Variants in CDK19 observed in about 807,000 individuals in gnomAD.
CDK19 encodes cyclin-dependent kinase 19.
In CDK19, 20 loss-of-function variants were observed where a neutral mutation model predicts 68.3. The observed-to-expected ratio is 0.29, with a 90% CI of 0.21 to 0.43. The LOEUF (loss-of-function observed/expected upper bound fraction) is 0.43. Ranked by LOEUF, CDK19 falls within the 20% of genes least tolerant of loss-of-function variation. The pLI, the probability that CDK19 is intolerant of heterozygous loss-of-function variation, is 1.00. For synonymous variants in CDK19, 221 were observed against 222.8 expected (o/e 0.99, Z 0.07); for missense variants, 339 against 623.5 (o/e 0.54, Z 4.86).
chr6:110,643,484 T>C (rs1780337708), intron 4 of CDK19, among the ~76,000 whole-genome samples: 1 of 152,210 alleles, frequency 6.6e-6, no homozygotes, highest in African/African-American at 2.4e-5. Flanking sequence ...CACTTATTTG[T>C]GGGAGCTAAA....
chr6:110,693,941 C>T lies in CDK19; in HGVS notation c.205-23400G>A, dbSNP rs145332127. On this transcript the variant is annotated intron_variant, in intron 2 of 12. Coordinates refer to ENST00000368911, the MANE Select transcript of CDK19 (RefSeq NM_015076.5). ...CAAACAAGCAATTGCTGAGTGAATT[C>T]GCCACTACCAAGCAAGCACTACAAT... Among the ~76,000 whole-genome samples, 17 of 152,132 alleles carry T rather than the reference C, an allele frequency of 1.1e-4. No individual in the cohort carries two copies. In the East Asian group the frequency reaches 1.9e-3, roughly 17 times the overall value.
chr6:110,709,456 G>A (rs1390532979), intron 2 of CDK19, among the ~76,000 whole-genome samples: 1 of 148,516 alleles, frequency 6.7e-6, no homozygotes, highest in Non-Finnish European at 1.5e-5. Flanking sequence ...GTATACCTAT[G>A]TAACAAACCT....
chr6:110,788,447 C>T (rs1054306574), intron 1 of CDK19, among the ~76,000 whole-genome samples: 1 of 152,088 alleles, frequency 6.6e-6, no homozygotes, highest in South Asian at 2.1e-4. Flanking sequence ...CATGAGCCAC[C>T]ACATCCAGCC....
At chr6:110,719,164 G>C (rs1209490051) in intron 2 of CDK19, among the ~76,000 whole-genome samples, 2 of 152,138 alleles carry the variant, frequency 1.3e-5, no homozygotes. Context: ...GGGAAAGCAT[G>C]AGACAAAAAA....
At chr6:110,787,062 C>CT (rs1781273059) in intron 1 of CDK19, among the ~76,000 whole-genome samples, 1 of 152,014 alleles carries the variant, frequency 6.6e-6, no homozygotes, top group Non-Finnish European at 1.5e-5. Flanking sequence ...GAATAAGGCC[C>CT]TTTTGTCCAC....
chr6:110,641,424 C>T (rs1478946008), intron 4 of CDK19, among the ~76,000 whole-genome samples: 1 of 151,586 alleles, frequency 6.6e-6, no homozygotes, highest in Non-Finnish European at 1.5e-5. Context: ...TGGTGAAACC[C>T]CATCTCTACT....
intron 1 of CDK19, among the ~76,000 whole-genome samples, chr6:110,785,195 A>G (rs909015438): frequency 6.6e-6 from 1 of 152,096 alleles, no homozygotes; most frequent in Non-Finnish European, 1.5e-5. Flanking sequence ...CATTCTGACA[A>G]TTTTTGATAG....
intron 1 of CDK19, among the ~76,000 whole-genome samples, chr6:110,765,951 A>G (rs1489217106): frequency 6.6e-6 from 1 of 152,134 alleles, no homozygotes; most frequent in Non-Finnish European, 1.5e-5. Flanking sequence ...AAAATAACAA[A>G]TGTTGGCAAG....
At chr6:110,766,530 A>T (rs769793440) in intron 1 of CDK19, among the ~76,000 whole-genome samples, 7 of 152,068 alleles carry the variant, frequency 4.6e-5, no homozygotes, top group Non-Finnish European at 8.8e-5. Context: ...GTGAGCCCAG[A>T]TTACACCACT....
At chr6:110,797,371 A>G (rs1782013874) in intron 1 of CDK19, among the ~76,000 whole-genome samples, 1 of 152,128 alleles carries the variant, frequency 6.6e-6, no homozygotes, top group Admixed American at 6.6e-5. Flanking sequence ...CTTTTTCTGT[A>G]TTCAAAAAAC....
chr6:110,650,687 G>C (rs191465489), intron 4 of CDK19, among the ~76,000 whole-genome samples: 2 of 152,292 alleles, frequency 1.3e-5, no homozygotes, highest in Non-Finnish European at 2.9e-5. Flanking sequence ...CTGGCAGAGG[G>C]AGGAGCAAGC....
In CDK19 at chr6:110,815,348, C is replaced by T. The variant is rs1267148574; in HGVS notation, c.-212G>A. 1.4e-5 allele frequency: 6 copies of T among 419,956 alleles called. No homozygotes were observed. The highest frequency in any genetic ancestry group is 1.0e-4 in the African/African-American group (5 of 47,714). 26.0% of individuals were successfully genotyped at this position (419,956 alleles called of 1,614,324 possible). The stretch of plus-strand genomic sequence containing the variant: ...ACCTCCTCCACCTCTTCCTCCTCCT[C>T]CTCCGCGACGGCGGCGGCGGCTCCC... On this transcript the variant is annotated 5_prime_UTR_variant, in exon 1 of 13. Transcript: ENST00000368911.
In CDK19 at chr6:110,716,587, T is replaced by C. The variant is rs140323547; in HGVS notation, c.204+29539A>G. Among the ~76,000 whole-genome samples the C allele has an allele frequency of 2.1e-3, 319 of 152,268 alleles. 2 individuals are homozygous for C. Among genetic ancestry groups the C allele is most frequent in the African/African-American group, 7.1e-3 (296 of 41,546 alleles). Reference sequence around the variant, plus strand: ...GATTATAGAAGTATTAAATAATCTTTCTAGAATATTCAAACATTATCTGAA... The same window carrying C: ...GATTATAGAAGTATTAAATAATCTTCCTAGAATATTCAAACATTATCTGAA... On this transcript the variant is annotated intron_variant, in intron 2 of 12. Transcript: ENST00000368911.
chr6:110,787,038 T>G (rs1375481021), intron 1 of CDK19, among the ~76,000 whole-genome samples: 1 of 152,164 alleles, frequency 6.6e-6, no homozygotes, highest in Non-Finnish European at 1.5e-5. Context: ...ATGTTCCTTG[T>G]GGCATTTTTT....
At chr6:110,785,878 C>A (rs1205071963) in intron 1 of CDK19, among the ~76,000 whole-genome samples, 2 of 151,662 alleles carry the variant, frequency 1.3e-5, no homozygotes, top group African/African-American at 4.8e-5. Flanking sequence ...TACTCGGGAG[C>A]CTGAGGCAGA....
At chr6:110,679,926 C>A (rs775276116) in intron 2 of CDK19, among the ~76,000 whole-genome samples, 1 of 152,164 alleles carries the variant, frequency 6.6e-6, no homozygotes, top group Non-Finnish European at 1.5e-5. Flanking sequence ...ACATAATAAG[C>A]ATTCAATAAA....
chr6:110,788,396 G>T (rs1190930859), intron 1 of CDK19, among the ~76,000 whole-genome samples: 1 of 151,950 alleles, frequency 6.6e-6, no homozygotes, highest in Non-Finnish European at 1.5e-5. Context: ...GGTCTCAAGA[G>T]ATCCTCCTGC....
At chr6:110,798,463 TA>T (rs1224929116) in intron 1 of CDK19, among the ~76,000 whole-genome samples, 1 of 150,572 alleles carries the variant, frequency 6.6e-6, no homozygotes, top group Non-Finnish European at 1.5e-5. Flanking sequence ...CATCTCTACT[TA>T]AATACAAAAA....
chr6:110,737,175 G>C (rs1777305222), intron 2 of CDK19, among the ~76,000 whole-genome samples: 1 of 152,156 alleles, frequency 6.6e-6, no homozygotes, highest in South Asian at 2.1e-4. Context: ...AAAGTTTTCA[G>C]CTACATCTAT....
Sources: gnomAD v4.1 joint callset for allele counts (sites outside exome capture counted in the v4.1 genomes callset) on GRCh38, gnomAD v4.1.1 for gene constraint, MANE v1.5 for transcripts, NCBI Gene and HGNC (gene_info 2026-07-23, HGNC 2026-07-21) for gene names.